The following IFI35 variants were observed in gnomAD, a reference collection of about 807,000 sequenced individuals.
IFI35 encodes the protein interferon-induced 35 kDa protein.
A neutral mutation model predicts 28.6 loss-of-function variants in IFI35; 30 were observed. The observed-to-expected ratio is 1.05, with a 90% CI of 0.79 to 1.43. IFI35 has a LOEUF of 1.43. Among genes scored for constraint, IFI35 ranks in the 40% most tolerant of loss-of-function variants. The pLI is 0.00. For synonymous variants in IFI35, 146 were observed against 154.8 expected (o/e 0.94, Z 0.42); for missense variants, 372 against 356.9 (o/e 1.04, Z -0.34).
chr17:43,014,091 C>G lies in IFI35; in HGVS notation c.670-17C>G. On this transcript the variant is annotated splice_polypyrimidine_tract_variant and intron_variant, in intron 6 of 6. Coordinates refer to ENST00000415816, the MANE Select transcript of IFI35 (RefSeq NM_001330230.2). The stretch of plus-strand genomic sequence containing the variant: ...CTTCTCCCATGAGCCTTTGCCATCT[C>G]CTGGCTCCTTTTCCAGATCAGGTCG... 1 of 1,612,242 alleles carries G rather than the reference C, an allele frequency of 6.2e-7. No homozygotes were observed. The highest frequency in any genetic ancestry group is 1.1e-5 in the South Asian group (1 of 90,870).
chr17:43,008,386 T>C (rs1381007867), intron 1 of IFI35, among the ~76,000 whole-genome samples: 2 of 146,280 alleles, frequency 1.4e-5, no homozygotes, highest in Admixed American at 1.4e-4. Context: ...TTCACTCTTG[T>C]TGCCCAGGCT....
At chr17:43,013,943 T>G (rs992770210) in intron 6 of IFI35, 61 bp downstream of exon 6, 77 of 1,384,502 alleles carry the variant, frequency 5.6e-5, no homozygotes, top group Middle Eastern at 4.3e-4. Flanking sequence ...TGCCAGGAAC[T>G]TGCCCAATGA....
At position 43,012,243 on chromosome 17, in the gene IFI35, T is replaced by C; in HGVS notation, c.86T>C (p.Leu29Pro). The C allele has an allele frequency of 6.3e-7, 1 of 1,578,362 alleles. No individual in the cohort carries two copies. The highest frequency in any genetic ancestry group is 8.6e-7 in the Non-Finnish European group (1 of 1,161,758). The change falls in exon 2 of 7, where the codon CTG (leucine) becomes CCG (proline). Residue 29 changes from leucine (L) to proline (P), a missense_variant. By Grantham distance (98) the Leu-to-Pro change is moderately conservative. Coordinates refer to ENST00000415816, the MANE Select transcript of IFI35 (RefSeq NM_001330230.2). ...ATGAGGCTGTGGGACCTGCAGCAGCTGAGAAAGGAGCTCGGGGACTCCCCC... is the reference window on the plus strand; with the variant it reads ...ATGAGGCTGTGGGACCTGCAGCAGCCGAGAAAGGAGCTCGGGGACTCCCCC... ...LKMRLWDLQQ[L>P]RKELGDSPKD...
chr17:43,010,028 G>A lies in IFI35; in HGVS notation c.22-2151G>A, dbSNP rs186913849. On this transcript the variant is annotated intron_variant, in intron 1 of 6. Coordinates refer to ENST00000415816, the MANE Select transcript of IFI35 (RefSeq NM_001330230.2). ...AGACGGGCAGATCATGAAGTCAGGA[G>A]ATCGAGACCATCCTGGCTAACACGG... Among the ~76,000 whole-genome samples, 99 of 151,834 alleles carry A rather than the reference G, an allele frequency of 6.5e-4. No individual in the cohort carries two copies. In the Middle Eastern group the frequency reaches 0.014, roughly 21 times the overall value.
rs201858273 is a variant in IFI35, at chr17:43,014,273, G to C, written c.835G>C (p.Ala279Pro). Residue 279 changes from alanine (A) to proline (P), a missense_variant, in exon 7 of 7, where the codon GCA (alanine) becomes CCA (proline). Transcript: ENST00000415816. ...TVVPQGQQGL[A>P]VFTSESG is the part of the protein sequence containing the mutation. ...CGTACCCCAAGGACAGCAGGGCCTA[G>C]CAGTCTTCACCTCTGAGTCAGGCTA... 4.7e-4 allele frequency: 739 copies of C among 1,585,870 alleles called. 5 individuals are homozygous for C. The highest frequency in any genetic ancestry group is 2.1e-4 in the Middle Eastern group (1 of 4,790).
chr17:43,012,150 A>AGTCTTGTT, intron 1 of IFI35, 29 bp from the exon 2 acceptor site: 1 of 1,486,648 alleles, frequency 6.7e-7, no homozygotes, highest in South Asian at 1.2e-5. Context: ...GGCGGGTAGA[A>AGTCTTGTT]GTCTTGTTGT....
chr17:43,012,197 G>T lies in IFI35; in HGVS notation c.40G>T (p.Glu14Ter). Residue 14 changes from glutamate (E) to a stop codon, truncating the protein, a stop_gained, in exon 2 of 7, where the codon GAG (glutamate) becomes TAG (stop). Transcript: ENST00000415816. LOFTEE classifies it high-confidence loss of function. ...CCAACAGGCCCTCCACGCCCTTCAG[G>T]AGGAGCAGGCCAGACTCAAGATGAG... Reference protein sequence around the residue: ...PLDAALHALQEEQARLKMRLW... With the variant: ...PLDAALHALQ The T allele has an allele frequency of 6.4e-7, 1 of 1,572,816 alleles. No individual in the cohort carries two copies. Among genetic ancestry groups the T allele is most frequent in the East Asian group, 2.3e-5 (1 of 42,818 alleles).
At chr17:43,012,457 T>G in intron 2 of IFI35, 180 bp downstream of exon 2, 1 of 429,284 alleles carries the variant, frequency 2.3e-6, no homozygotes. Flanking sequence ...ATACAAAAAT[T>G]AGGCCGGGCG....
intron 1 of IFI35, among the ~76,000 whole-genome samples, chr17:43,008,847 G>A (rs979550953): frequency 6.6e-6 from 1 of 151,776 alleles, no homozygotes; most frequent in Non-Finnish European, 1.5e-5. Context: ...TAGAGACAGG[G>A]TTTCAGCATG....
In IFI35 at chr17:43,006,842, G is replaced by C; in HGVS notation, c.-106G>C. On this transcript the variant is annotated 5_prime_UTR_variant, in exon 1 of 7. Coordinates refer to ENST00000415816, the MANE Select transcript of IFI35 (RefSeq NM_001330230.2). ...ATTTCGGGTCTTGCTGGGGCTGAGA[G>C]AGACCACAGCCCTTTGGGGGGTACA... 1 of 1,217,902 alleles carries C rather than the reference G, an allele frequency of 8.2e-7. No individual in the cohort carries two copies. Among genetic ancestry groups the C allele is most frequent in the Non-Finnish European group, 1.2e-6 (1 of 820,156 alleles). The allele number at this position is 1,217,902 out of a possible 1,614,324, so 75.4% of individuals were successfully genotyped here. A position where few individuals can be genotyped will look rare whatever the true frequency, so the allele number is the denominator to read the frequency against.
chr17:43,012,949 A>G (rs1567743555), intron 2 of IFI35, 98 bp from the exon 3 acceptor site: 2 of 1,294,004 alleles, frequency 1.5e-6, no homozygotes, highest in East Asian at 4.6e-5. Context: ...CAGTAAATGT[A>G]TTTATCTCCG....
Position 43,007,050 on chromosome 17 carries a change from G to A in IFI35, c.21+82G>A, listed in dbSNP as rs572931915. The A allele has an allele frequency of 5.8e-5, 84 of 1,458,912 alleles. No individual in the cohort carries two copies. In the Admixed American group the frequency reaches 9.9e-4, roughly 17 times the overall value. The allele number at this position is 1,458,912 out of a possible 1,614,324, so 90.4% of individuals were successfully genotyped here. A position where few individuals can be genotyped will look rare whatever the true frequency, so the allele number is the denominator to read the frequency against. Reference sequence around the variant, plus strand: ...GGAACCTGCAGATATCTCAGGGCCTGGCAGCCAAGCCTCACCCTGCCCATC... The same window carrying A: ...GGAACCTGCAGATATCTCAGGGCCTAGCAGCCAAGCCTCACCCTGCCCATC... On this transcript the variant is annotated intron_variant, in intron 1 of 6. Coordinates refer to ENST00000415816, the MANE Select transcript of IFI35 (RefSeq NM_001330230.2).
chr17:43,013,980 AC>A, intron 6 of IFI35, 98 bp downstream of exon 6: 1 of 1,275,112 alleles, frequency 7.8e-7, no homozygotes, highest in South Asian at 1.4e-5. Flanking sequence ...AACCCCACTG[AC>A]CTACCTACCC....
rs1235823515 is a variant in IFI35 at position 43,014,228 on chromosome 17, G to T, written c.790G>T (p.Glu264Ter). The T allele has an allele frequency of 1.2e-6, 2 of 1,612,440 alleles. No homozygotes were observed. Among genetic ancestry groups the T allele is most frequent in the Admixed American group, 3.3e-5 (2 of 59,906 alleles). ...HFQKPTRGGG[E>*]VEALTVVPQG... ...CCAGAAGCCCACCCGCGGGGGCGGG[G>T]AGGTAGAGGCCCTGACAGTCGTACC... Residue 264 changes from glutamate (E) to a stop codon, truncating the protein, a stop_gained, in exon 7 of 7, where the codon GAG becomes TAG. Coordinates refer to ENST00000415816, the MANE Select transcript of IFI35 (RefSeq NM_001330230.2). LOFTEE classifies it high-confidence loss of function.
At position 43,013,663 on chromosome 17, in the gene IFI35, G is replaced by C; in HGVS notation, c.562+1G>C. ...ATGCTGGGGTTTGCTAGGGATGGAG[G>C]TGAGGGCTATGCAGGCCTCCTGCAG... On this transcript the variant is annotated splice_donor_variant, in intron 5 of 6. Coordinates refer to ENST00000415816, the MANE Select transcript of IFI35 (RefSeq NM_001330230.2). LOFTEE classifies it high-confidence loss of function. 6.2e-7 allele frequency: 1 copy of C among 1,613,970 alleles called. No individual in the cohort carries two copies. The highest frequency in any genetic ancestry group is 8.5e-7 in the Non-Finnish European group (1 of 1,179,906).
Position 43,013,498 on chromosome 17 carries a change from G to A in IFI35, c.398G>A (p.Arg133Gln), listed in dbSNP as rs763844158. Residue 133 changes from arginine to glutamine, a missense_variant, in exon 5 of 7, where the codon CGG becomes CAG. Transcript: ENST00000415816. The stretch of plus-strand genomic sequence containing the variant: ...TAGATGTCCAGCCAGTTGAGTGGCC[G>A]GAGGGTGTTGGTCACTGGATTTCCT... ...TIQMSSQLSG[R>Q]RVLVTGFPAS... 1.2e-5 allele frequency: 20 copies of A among 1,613,886 alleles called. No individual in the cohort carries two copies. Among genetic ancestry groups the A allele is most frequent in the Admixed American group, 8.3e-5 (5 of 59,984 alleles).
intron 1 of IFI35, among the ~76,000 whole-genome samples, chr17:43,007,216 T>C (rs1429412075): frequency 6.6e-6 from 1 of 152,116 alleles, no homozygotes; most frequent in Non-Finnish European, 1.5e-5. Flanking sequence ...AATCTGTAGT[T>C]TCCATCAGAT....
chr17:43,013,744 G>A (rs772840349), intron 5 of IFI35, 32 bp from the exon 6 acceptor site: 2 of 1,610,074 alleles, frequency 1.2e-6, no homozygotes, highest in South Asian at 1.1e-5. Context: ...AGGGCTTGAT[G>A]CTAAAGGCCC....
chr17:43,007,847 T>TTTTA (rs1375752219), intron 1 of IFI35, among the ~76,000 whole-genome samples: 3,249 of 118,998 alleles, frequency 0.027, 84 homozygotes, highest in Middle Eastern at 0.045. Context: ...CACACAAAAT[T>TTTTA]TATATATATA....
Sources: allele counts gnomAD v4.1 joint callset (sites outside exome capture counted in the v4.1 genomes callset), GRCh38; gene constraint gnomAD v4.1.1; transcripts MANE v1.5; gene names NCBI Gene and HGNC (gene_info 2026-07-23, HGNC 2026-07-21).